The following FRMD4B variants were observed in gnomAD, a reference collection of about 807,000 sequenced individuals.
FRMD4B encodes the protein FERM domain containing 4B, also known as FERM domain-containing protein 4B.
In FRMD4B, 74 loss-of-function variants were observed where a neutral mutation model predicts 141.5. That is an observed-to-expected ratio of 0.52 (90% CI 0.43 to 0.63). The LOEUF (loss-of-function observed/expected upper bound fraction) is 0.63, where lower values mean the gene tolerates loss of function less well. Ranked by LOEUF, FRMD4B falls within the 30% of genes least tolerant of loss-of-function variation. The pLI, the probability that FRMD4B is intolerant of heterozygous loss-of-function variation, is 0.00. For synonymous variants in FRMD4B, 506 were observed against 467.9 expected, an observed-to-expected ratio of 1.08 and a Z score of -1.05; for missense variants, 1,366 against 1,253.4, an observed-to-expected ratio of 1.09 and a Z score of -1.36.
At chr3:69,367,284 A>T (rs1703693852) in intron 1 of FRMD4B, among the ~76,000 whole-genome samples, 2 of 152,338 alleles carry the variant, frequency 1.3e-5, no homozygotes, top group South Asian at 4.1e-4. Context: ...TCAGAATAAT[A>T]TGAAAGTAAG....
At chr3:69,324,943 C>G (rs1702130230) in intron 1 of FRMD4B, among the ~76,000 whole-genome samples, 1 of 151,548 alleles carries the variant, frequency 6.6e-6, no homozygotes, top group Non-Finnish European at 1.5e-5. Context: ...AAAAATTAGC[C>G]AGGCGTGTAC....
intron 1 of FRMD4B, among the ~76,000 whole-genome samples, chr3:69,447,083 A>G (rs756617227): frequency 6.6e-6 from 1 of 152,222 alleles, no homozygotes; most frequent in Non-Finnish European, 1.5e-5. Context: ...GGCTCAAATA[A>G]GAGGATCAAC....
chr3:69,316,693 G>A (rs1450416184), intron 1 of FRMD4B, among the ~76,000 whole-genome samples: 1 of 152,084 alleles, frequency 6.6e-6, no homozygotes, highest in Non-Finnish European at 1.5e-5. Context: ...CCTAGGTGTA[G>A]GCCCTACAGA....
intron 1 of FRMD4B, among the ~76,000 whole-genome samples, chr3:69,499,618 A>C (rs1706459400): frequency 6.6e-6 from 1 of 152,150 alleles, no homozygotes; most frequent in Non-Finnish European, 1.5e-5. Flanking sequence ...GTAATCTCTA[A>C]TTGTGTGTTC....
At chr3:69,449,921 G>A (rs1390172591) in intron 1 of FRMD4B, among the ~76,000 whole-genome samples, 1 of 152,148 alleles carries the variant, frequency 6.6e-6, no homozygotes, top group Non-Finnish European at 1.5e-5. Context: ...GGCTGCTTCT[G>A]GAGTCATATA....
At chr3:69,509,471 C>T (rs4318558) in intron 1 of FRMD4B, among the ~76,000 whole-genome samples, 83,973 of 151,940 alleles carry the variant, frequency 0.55, 23,880 homozygotes, top group African/African-American at 0.7. Context: ...TTTCCCCTTT[C>T]TCAAGGTGCT....
At chr3:69,433,357 A>G (rs995529743) in intron 1 of FRMD4B, among the ~76,000 whole-genome samples, 1 of 152,228 alleles carries the variant, frequency 6.6e-6, no homozygotes, top group Non-Finnish European at 1.5e-5. Flanking sequence ...ACTTCAGTCA[A>G]TAAGCATGCT....
chr3:69,359,268 G>C (rs560358967), intron 1 of FRMD4B, among the ~76,000 whole-genome samples: 7 of 152,288 alleles, frequency 4.6e-5, no homozygotes, highest in Middle Eastern at 3.4e-3. Context: ...GGGAGAGTGA[G>C]CTCCTGGATT....
At chr3:69,338,907 A>G (rs1559815415) in intron 1 of FRMD4B, among the ~76,000 whole-genome samples, 1 of 152,232 alleles carries the variant, frequency 6.6e-6, no homozygotes, top group Non-Finnish European at 1.5e-5. Context: ...ATAACTTAGT[A>G]TAGTGCTTGG....
chr3:69,437,646 C>T lies in FRMD4B; in HGVS notation c.-128-4885G>A, dbSNP rs537204224. On this transcript the variant is annotated intron_variant, in intron 1 of 5. Transcript: ENST00000459638. ...TATAAATATATATACTATATATATA[C>T]AGAGAAAGTTTGTATACATACTATA... is the stretch of plus-strand genomic sequence containing the variant. Among the ~76,000 whole-genome samples, 218 of 130,934 alleles carry T rather than the reference C, an allele frequency of 1.7e-3. 2 individuals carry two copies. The highest frequency in any genetic ancestry group is 5.3e-3 in the Middle Eastern group (1 of 190). The allele number at this position is 130,934 out of a possible 152,430, so 85.9% of individuals were successfully genotyped here. A position where few individuals can be genotyped will look rare whatever the true frequency, so the allele number is the denominator to read the frequency against.
chr3:69,248,643 C>T (rs1443921427), intron 7 of FRMD4B, among the ~76,000 whole-genome samples: 3 of 152,172 alleles, frequency 2.0e-5, no homozygotes, highest in Admixed American at 6.5e-5. Flanking sequence ...ACAACTCCAA[C>T]GATTGCATTA....
intron 5 of FRMD4B, among the ~76,000 whole-genome samples, chr3:69,253,904 G>A (rs1008062445): frequency 6.6e-6 from 1 of 152,002 alleles, no homozygotes; most frequent in Admixed American, 6.6e-5. Flanking sequence ...GCACCATAGC[G>A]AAACCCTGCT....
chr3:69,346,946 ACAT>A (rs1702964592), intron 1 of FRMD4B, among the ~76,000 whole-genome samples: 1 of 152,202 alleles, frequency 6.6e-6, no homozygotes, highest in Non-Finnish European at 1.5e-5. Flanking sequence ...TAACCAGCTA[ACAT>A]CATAATGACA....
intron 1 of FRMD4B, among the ~76,000 whole-genome samples, chr3:69,347,892 A>G (rs1484874080): frequency 2.0e-5 from 3 of 152,242 alleles, no homozygotes; most frequent in Non-Finnish European, 2.9e-5. Flanking sequence ...AGAGATCTAA[A>G]TTTGACACCC....
At chr3:69,541,831 G>A (rs1400118114) in intron 1 of FRMD4B, among the ~76,000 whole-genome samples, 3 of 151,174 alleles carry the variant, frequency 2.0e-5, no homozygotes, top group East Asian at 3.9e-4. Context: ...ATCTCTGGGG[G>A]CCAGATCTGG....
intron 5 of FRMD4B, among the ~76,000 whole-genome samples, chr3:69,253,628 A>T (rs188535337): frequency 1.3e-5 from 2 of 152,294 alleles, no homozygotes; most frequent in Admixed American, 1.3e-4. Flanking sequence ...GGGACACCTC[A>T]GTTTGTTTCC....
rs534839395 is a variant in FRMD4B at position 69,380,789 on chromosome 3, G to A, written c.162+5039C>T. On this transcript the variant is annotated intron_variant, in intron 1 of 22. Coordinates refer to ENST00000398540, the MANE Select transcript of FRMD4B (RefSeq NM_015123.3). ...TGTTGGAGGCAATGACTCCCTTCAG[G>A]GTTTGCAAGAAATTCTATCTTTGGG... Among the ~76,000 whole-genome samples, 19 of 152,204 alleles carry A rather than the reference G, an allele frequency of 1.2e-4. No individual in the cohort carries two copies. In the East Asian group the frequency reaches 3.7e-3, roughly 29 times the overall value.
chr3:69,477,637 T>C (rs1459391225), intron 1 of FRMD4B, among the ~76,000 whole-genome samples: 7 of 152,126 alleles, frequency 4.6e-5, no homozygotes, highest in Non-Finnish European at 1.5e-5. Context: ...TGCATCAATG[T>C]TCATCAAGGA....
chr3:69,499,047 G>C (rs76846078), intron 1 of FRMD4B, among the ~76,000 whole-genome samples: 2,761 of 152,260 alleles, frequency 0.018, 83 homozygotes, highest in East Asian at 0.12. Context: ...AAAGTCCTTT[G>C]TAAAACAAAG....
Sources: allele counts gnomAD v4.1 joint callset (sites outside exome capture counted in the v4.1 genomes callset), GRCh38; gene constraint gnomAD v4.1.1; transcripts MANE v1.5; gene names NCBI Gene and HGNC (gene_info 2026-07-23, HGNC 2026-07-21).